Variants in SREBF1 observed in about 807,000 individuals in gnomAD.
SREBF1 encodes the protein sterol regulatory element-binding protein 1.
SREBF1 carries 45 observed loss-of-function variants against 100.1 expected under a neutral mutation model. The observed-to-expected ratio is 0.45, with a 90% CI of 0.35 to 0.58. SREBF1 has a LOEUF of 0.58. Ranked by LOEUF, SREBF1 falls within the 20% of genes least tolerant of loss-of-function variation. The probability of loss-of-function intolerance (pLI) is 0.00; values close to 1 mark genes in which losing one functional copy is unlikely to be tolerated. For missense variants in SREBF1, 1,324 were observed against 1,539.4 expected (o/e 0.86, Z 2.34); for synonymous variants, 657 against 681.8 (o/e 0.96, Z 0.57).
intron 2 of SREBF1, 36 bp downstream of exon 2, chr17:17,820,054 C>T: frequency 6.3e-7 from 1 of 1,583,550 alleles, no homozygotes; most frequent in East Asian, 2.3e-5. Context: ...GGAAGCCCCA[C>T]CCCGGGTGTC....
At chr17:17,820,642 G>T in intron 1 of SREBF1, 121 bp from the exon 2 acceptor site, 1 of 1,133,516 alleles carries the variant, frequency 8.8e-7, no homozygotes, top group Non-Finnish European at 1.3e-6. Flanking sequence ...TGTATGTGTG[G>T]GCAATGCCAC....
intron 18 of SREBF1, 110 bp from the exon 19 acceptor site, chr17:17,812,961 T>G: frequency 1.9e-6 from 2 of 1,058,160 alleles, no homozygotes; most frequent in Non-Finnish European, 2.6e-6. Flanking sequence ...GGCACACAGG[T>G]ACCTGGCGGG....
chr17:17,818,820 C>T lies in SREBF1; in HGVS notation c.1068+193G>A, dbSNP rs922741711. 6 of 681,890 alleles carry T rather than the reference C, an allele frequency of 8.8e-6. No individual in the cohort carries two copies. The Admixed American group carries it at 1.1e-4, about 13-fold the overall frequency. The allele number at this position is 681,890 out of a possible 1,614,324, so 42.2% of individuals were successfully genotyped here. On this transcript the variant is annotated intron_variant, in intron 5 of 18. Coordinates refer to ENST00000261646, the MANE Select transcript of SREBF1 (RefSeq NM_004176.5). ...ATTGCTGCATCCCCAATGCCTAGCACAGCCCCACCTTTATTGAAGAGGCCT... is the reference window on the plus strand; with the variant it reads ...ATTGCTGCATCCCCAATGCCTAGCATAGCCCCACCTTTATTGAAGAGGCCT...
intron 1 of SREBF1, among the ~76,000 whole-genome samples, chr17:17,836,007 T>G (rs1220979915): frequency 6.6e-6 from 1 of 152,256 alleles, no homozygotes; most frequent in Non-Finnish European, 1.5e-5. Context: ...TAGAAGTCCC[T>G]GACCGCTCTA....
At chr17:17,813,976 C>T in intron 16 of SREBF1, 1 of 676,932 alleles carries the variant, frequency 1.5e-6, no homozygotes, top group Non-Finnish European at 2.5e-6. Flanking sequence ...AGCAGCTGTC[C>T]AGCCCTCCTG....
chr17:17,834,135 C>T (rs770379962), intron 1 of SREBF1, among the ~76,000 whole-genome samples: 15 of 152,086 alleles, frequency 9.9e-5, no homozygotes, highest in Admixed American at 5.9e-4. Flanking sequence ...ACTCTGTCAT[C>T]CAGGCTGAGT....
At chr17:17,836,585 C>T in intron 1 of SREBF1, 142 bp downstream of exon 1, 1 of 841,244 alleles carries the variant, frequency 1.2e-6, no homozygotes, top group Non-Finnish European at 1.8e-6. Context: ...CTCGGGACAC[C>T]GAGCTCAGAG....
In SREBF1 at chr17:17,830,492, G is replaced by A. The variant is rs140463203; in HGVS notation, c.91+6235C>T. Among the ~76,000 whole-genome samples, 22 of 152,380 alleles carry A rather than the reference G, an allele frequency of 1.4e-4. No homozygotes were observed. In the East Asian group the frequency reaches 3.3e-3, roughly 23 times the overall value. On this transcript the variant is annotated intron_variant, in intron 1 of 18. Coordinates refer to ENST00000261646, the MANE Select transcript of SREBF1 (RefSeq NM_004176.5). The stretch of plus-strand genomic sequence containing the variant: ...CCTGAAGGTTCTTGGACTTGTCCAA[G>A]GTCATACAGTAGGGCTGCTTGTTAA...
chr17:17,829,287 T>G (rs2034714447), intron 1 of SREBF1, among the ~76,000 whole-genome samples: 1 of 148,860 alleles, frequency 6.7e-6, no homozygotes, highest in Non-Finnish European at 1.5e-5. Flanking sequence ...CACATATATA[T>G]ATATATTTCT....
Position 17,819,071 on chromosome 17 carries a change from G to A in SREBF1, c.1010C>T (p.Ser337Phe). The change falls in exon 5 of 19, where the codon TCC becomes TTC. Residue 337 changes from serine to phenylalanine, a missense_variant. Physicochemically the swap from Ser to Phe is radical, Grantham distance 155. Coordinates refer to ENST00000261646, the MANE Select transcript of SREBF1 (RefSeq NM_004176.5). ...CTCAATGATTTTGTCATTGATGGAGGAGCGGTAGCGCTTCTCAATGGCGTT... is the reference window on the plus strand; with the variant it reads ...CTCAATGATTTTGTCATTGATGGAGAAGCGGTAGCGCTTCTCAATGGCGTT... ...AHNAIEKRYR[S>F]SINDKIIELK... The A allele has an allele frequency of 6.2e-7, 1 of 1,614,032 alleles. No individual in the cohort carries two copies. Among genetic ancestry groups the A allele is most frequent in the Non-Finnish European group, 8.5e-7 (1 of 1,180,038 alleles).
At chr17:17,833,280 C>T (rs1034923657) in intron 1 of SREBF1, among the ~76,000 whole-genome samples, 3 of 150,976 alleles carry the variant, frequency 2.0e-5, no homozygotes, top group African/African-American at 4.9e-5. Flanking sequence ...AAAAATTAGC[C>T]GGGCGTGGTG....
chr17:17,817,525 G>A lies in SREBF1; in HGVS notation c.1405-68C>T, dbSNP rs771244150. ...CCCCAGAGAGCATGGGGCTGGGAAG[G>A]GGGGGGTCAGGATTCTGCCCACCTT... On this transcript the variant is annotated intron_variant, in intron 7 of 18. Transcript: ENST00000261646. The surrounding 1 kb of genome is among the most constrained non-coding windows in gnomAD (Gnocchi z 6.6). The A allele has an allele frequency of 1.1e-5, 17 of 1,539,892 alleles. 1 individual carries two copies. The Middle Eastern group carries it at 1.3e-3, about 121-fold the overall frequency.
rs2032855717 is a variant in SREBF1 at position 17,811,637 on chromosome 17, G to C, written c.*985C>G. ...TCTCCAGTGTGGCGGCAGGTCGGGA[G>C]GGAGGAGGCTTCTTTGCTGTGAGAT... On this transcript the variant is annotated 3_prime_UTR_variant, in exon 19 of 19. Transcript: ENST00000261646. The C allele has an allele frequency of 2.3e-6, 1 of 440,304 alleles. No homozygotes were observed. The highest frequency in any genetic ancestry group is 1.6e-5 in the South Asian group (1 of 62,672). 27.3% of individuals were successfully genotyped at this position (440,304 alleles called of 1,614,324 possible). A position where few individuals can be genotyped will look rare whatever the true frequency, so the allele number is the denominator to read the frequency against.
At chr17:17,830,349 CT>C (rs139597813) in intron 1 of SREBF1, among the ~76,000 whole-genome samples, 1 of 152,386 alleles carries the variant, frequency 6.6e-6, no homozygotes, top group East Asian at 1.9e-4. Context: ...AATAATAACA[CT>C]AACTGGCATT....
chr17:17,836,602 G>A, intron 1 of SREBF1, 125 bp downstream of exon 1: 1 of 954,300 alleles, frequency 1.0e-6, no homozygotes, highest in Non-Finnish European at 1.6e-6. Flanking sequence ...AGAGACACCG[G>A]GAAGTCCCGC....
chr17:17,813,795 T>C, intron 16 of SREBF1, 26 bp from the exon 17 acceptor site: 1 of 1,534,114 alleles, frequency 6.5e-7, no homozygotes, highest in South Asian at 1.2e-5. Context: ...AGGGCAGGGG[T>C]CACCAGGGCT....
At position 17,812,819 on chromosome 17, in the gene SREBF1, G is replaced by A; in HGVS notation, c.3247C>T (p.Arg1083Trp). Residue 1083 changes from arginine (R) to tryptophan (W), a missense_variant, in exon 19 of 19, where the codon CGG becomes TGG. Arg to Trp is a moderately radical substitution (Grantham distance 101, BLOSUM62 -3). Coordinates refer to ENST00000261646, the MANE Select transcript of SREBF1 (RefSeq NM_004176.5). Reference sequence around the variant, plus strand: ...AGCAAGGCCTCCGCGTGCTCCCGCCGCGTGGGCCGCGGCTCCAGCTCCGCC... The same window carrying A: ...AGCAAGGCCTCCGCGTGCTCCCGCCACGTGGGCCGCGGCTCCAGCTCCGCC... The part of the protein sequence containing the change: ...AVAELEPRPT[R>W]REHAEALLLA... 3 of 1,481,728 alleles carry A rather than the reference G, an allele frequency of 2.0e-6. No homozygotes were observed. Among genetic ancestry groups the A allele is most frequent in the Middle Eastern group, 2.4e-4 (1 of 4,224 alleles). 91.8% of individuals were successfully genotyped at this position (1,481,728 alleles called of 1,614,324 possible). A position where few individuals can be genotyped will look rare whatever the true frequency, so the allele number is the denominator to read the frequency against.
At position 17,812,548 on chromosome 17, in the gene SREBF1, C is replaced by G. The variant is rs1445195559; in HGVS notation, c.*74G>C. 2.7e-6 allele frequency: 4 copies of G among 1,468,170 alleles called. No individual in the cohort carries two copies. Among genetic ancestry groups the G allele is most frequent in the Non-Finnish European group, 3.7e-6 (4 of 1,078,106 alleles). The allele number at this position is 1,468,170 out of a possible 1,614,324, so 90.9% of individuals were successfully genotyped here. Reference sequence around the variant, plus strand: ...CTTGCACTGCCTTCGGCCTTCAAAGCTTCGACGCAGGACAGAAGCTGCACG... The same window carrying G: ...CTTGCACTGCCTTCGGCCTTCAAAGGTTCGACGCAGGACAGAAGCTGCACG... On this transcript the variant is annotated 3_prime_UTR_variant, in exon 19 of 19. Transcript: ENST00000261646.
rs759302336 is a variant in SREBF1 at position 17,820,384 on chromosome 17, C to G, written c.229G>C (p.Ala77Pro). 6.2e-7 allele frequency: 1 copy of G among 1,612,334 alleles called. No individual in the cohort carries two copies. Among genetic ancestry groups the G allele is most frequent in the Admixed American group, 1.7e-5 (1 of 59,988 alleles). The change falls in exon 2 of 19, where the codon GCC becomes CCC. Residue 77 changes from alanine to proline, a missense_variant. By Grantham distance (27) the Ala-to-Pro change is conservative. Transcript: ENST00000261646. ...GCTTCAAGAGAGGAGCTCAATGTGG[C>G]AGGAGGTGGAGACAAGCTGCCTGGG... ...SSPGSLSPPP[A>P]TLSSSLEAFL...
Sources: allele counts gnomAD v4.1 joint callset (sites outside exome capture counted in the v4.1 genomes callset), GRCh38; gene constraint gnomAD v4.1.1; non-coding constraint Gnocchi (gnomAD v3.1); transcripts MANE v1.5; gene names NCBI Gene and HGNC (gene_info 2026-07-23, HGNC 2026-07-21).